Variants in CABLES2 observed in about 807,000 individuals in gnomAD.
The protein encoded by CABLES2 is CDK5 and ABL1 enzyme substrate 2.
In CABLES2, 35 loss-of-function variants were observed where a neutral mutation model predicts 44.8. That is an observed-to-expected ratio of 0.78 (90% CI 0.60 to 1.04). The LOEUF is 1.04. CABLES2 is among the 50% of genes least tolerant of loss of function. The pLI is 0.00. For synonymous variants in CABLES2, 282 were observed against 281.1 expected, an observed-to-expected ratio of 1.00 and a Z score of -0.03; for missense variants, 566 against 615.7, an observed-to-expected ratio of 0.92 and a Z score of 0.85.
Position 62,396,332 on chromosome 20 carries a change from G to A in CABLES2, c.510C>T (p.Tyr170=), listed in dbSNP as rs202000885. The change falls in exon 3 of 10, where the codon TAC becomes TAT. Residue 170 remains tyrosine, a synonymous_variant. Coordinates refer to ENST00000279101, the MANE Select transcript of CABLES2 (RefSeq NM_031215.3). This position sits in a 1 kb window ranked among gnomAD's most constrained non-coding sequence, Gnocchi z 5.7. ...CTTCATACCTGCTGTTCCTGGTGTC[G>A]TACTGCCTCATGTTCTTGATGAAGT... ...KTHFIKNMRQ[Y]DTRNSRIVLI... is the part of the protein sequence containing the mutation. 3.5e-5 allele frequency: 57 copies of A among 1,613,720 alleles called. No homozygotes were observed. The South Asian group carries it at 4.3e-4, about 12-fold the overall frequency.
intron 1 of CABLES2, among the ~76,000 whole-genome samples, chr20:62,398,105 G>GGTA (rs1569017600): frequency 1.4e-5 from 2 of 140,554 alleles, no homozygotes; most frequent in Non-Finnish European, 3.1e-5. Flanking sequence ...TGGTGGTGGT[G>GGTA]ATGGTGGTGG....
In CABLES2 at chr20:62,398,089, CGGT is replaced by C. The variant is rs1376860164; in HGVS notation, c.363-1500_363-1498del. 1.2e-3 allele frequency among the ~76,000 whole-genome samples: 64 copies of C among 54,890 alleles called. 1 individual carries two copies. Among genetic ancestry groups the C allele is most frequent in the Admixed American group, 2.4e-3 (13 of 5,502 alleles). The allele number at this position is 54,890 out of a possible 152,430, so 36.0% of individuals were successfully genotyped here. ...GTGGTGACGGTGGTGGTGGTGGTGA[CGGT>C]GGTGGTGGTGGTGATGGTGGTGGTG... On this transcript the variant is annotated intron_variant, in intron 1 of 9. Coordinates refer to ENST00000279101, the MANE Select transcript of CABLES2 (RefSeq NM_031215.3).
chr20:62,398,498 C>G lies in CABLES2; in HGVS notation c.363-1906G>C, dbSNP rs113871847. On this transcript the variant is annotated intron_variant, in intron 1 of 9. Transcript: ENST00000279101. Reference sequence around the variant, plus strand: ...GCCTTTTTATTAAGTGTCACCCAATCTGGACTCCGGGCCAAGGGCAGGTGT... The same window carrying G: ...GCCTTTTTATTAAGTGTCACCCAATGTGGACTCCGGGCCAAGGGCAGGTGT... 1.8e-3 allele frequency among the ~76,000 whole-genome samples: 268 copies of G among 152,302 alleles called. 1 individual carries two copies. The highest frequency in any genetic ancestry group is 6.2e-3 in the African/African-American group (259 of 41,550).
chr20:62,394,322 G>A, intron 4 of CABLES2, 57 bp from the exon 5 acceptor site: 2 of 1,440,112 alleles, frequency 1.4e-6, no homozygotes. Context: ...GGCTCTGGCA[G>A]CCCAGCCCAC....
In CABLES2 at chr20:62,394,154, T is replaced by C; in HGVS notation, c.714+3A>G. The C allele has an allele frequency of 1.2e-6, 2 of 1,612,586 alleles. No individual in the cohort carries two copies. The highest frequency in any genetic ancestry group is 1.7e-6 in the Non-Finnish European group (2 of 1,179,366). On this transcript the variant is annotated splice_donor_region_variant and intron_variant, in intron 5 of 9. Transcript: ENST00000279101. The stretch of plus-strand genomic sequence containing the variant: ...GGGTGTCCACCAGCGAAGAGGCTCT[T>C]ACCTTCCCGTCTGCTCCTAGCTCCA...
In CABLES2 at chr20:62,398,634, A is replaced by G. The variant is rs961499592; in HGVS notation, c.363-2042T>C. On this transcript the variant is annotated intron_variant, in intron 1 of 9. Coordinates refer to ENST00000279101, the MANE Select transcript of CABLES2 (RefSeq NM_031215.3). Reference sequence around the variant, plus strand: ...CCGGCTTACACACAAGACCTGGTGCACTCAGGCCCCCTCTCTGGTGGAGCC... The same window carrying G: ...CCGGCTTACACACAAGACCTGGTGCGCTCAGGCCCCCTCTCTGGTGGAGCC... Among the ~76,000 whole-genome samples, 9 of 152,150 alleles carry G rather than the reference A, an allele frequency of 5.9e-5. No homozygotes were observed. In the East Asian group the frequency reaches 1.4e-3, roughly 23 times the overall value.
intron 7 of CABLES2, 129 bp from the exon 8 acceptor site, chr20:62,392,624 G>A (rs1001223611): frequency 8.4e-6 from 6 of 713,536 alleles, no homozygotes; most frequent in African/African-American, 3.5e-5. Context: ...GAGAGGCCCC[G>A]AATCTCTGAG....
At position 62,407,138 on chromosome 20, in the gene CABLES2, C is replaced by T; in HGVS notation, c.139G>A (p.Ala47Thr). ...RRRGDSRRRQ[A>T]ALFFLNNISL... ...ATGTTGTTGAGGAAGAAAAGCGCGG[C>T]CTGGCGGCGCCGCGAGTCCCCGCGC... is the stretch of plus-strand genomic sequence containing the variant. Residue 47 changes from alanine to threonine, a missense_variant, in exon 1 of 10, where the codon GCC becomes ACC. This residue lies in a region of CABLES2 where 130 missense variants were observed against 79.4 expected (regional missense o/e 1.64). Coordinates refer to ENST00000279101, the MANE Select transcript of CABLES2 (RefSeq NM_031215.3). The T allele has an allele frequency of 9.8e-7, 1 of 1,023,170 alleles. No individual in the cohort carries two copies. 63.4% of individuals were successfully genotyped at this position (1,023,170 alleles called of 1,614,324 possible). A position where few individuals can be genotyped will look rare whatever the true frequency, so the allele number is the denominator to read the frequency against.
At chr20:62,392,522 G>C in intron 7 of CABLES2, 27 bp from the exon 8 acceptor site, 1 of 1,545,276 alleles carries the variant, frequency 6.5e-7, no homozygotes, top group Non-Finnish European at 8.9e-7. Context: ...GCAGGGTTGG[G>C]CCGGCCCCTC....
intron 1 of CABLES2, among the ~76,000 whole-genome samples, chr20:62,401,194 G>A (rs1454363284): frequency 6.6e-6 from 1 of 152,206 alleles, no homozygotes; most frequent in Non-Finnish European, 1.5e-5. Flanking sequence ...TGCAGGTCAC[G>A]TTTTTTGGTT....
At position 62,396,427 on chromosome 20, in the gene CABLES2, G is replaced by T; in HGVS notation, c.435-20C>A. The T allele has an allele frequency of 6.2e-7, 1 of 1,613,472 alleles. No homozygotes were observed. Among genetic ancestry groups the T allele is most frequent in the African/African-American group, 1.3e-5 (1 of 75,004 alleles). ...TTGGTTCTGCAAGGCAAAGGACACA[G>T]GTCACTCTTTTCCTCCCAGGACCCT... On this transcript the variant is annotated intron_variant, in intron 2 of 9. Transcript: ENST00000279101. The surrounding 1 kb of genome is among the most constrained non-coding windows in gnomAD (Gnocchi z 5.7).
In CABLES2 at chr20:62,393,614, G is replaced by A; in HGVS notation, c.715-9C>T. 1 of 1,570,636 alleles carries A rather than the reference G, an allele frequency of 6.4e-7. No homozygotes were observed. Among genetic ancestry groups the A allele is most frequent in the Non-Finnish European group, 8.7e-7 (1 of 1,154,510 alleles). On this transcript the variant is annotated splice_polypyrimidine_tract_variant and intron_variant, in intron 5 of 9. Transcript: ENST00000279101. The stretch of plus-strand genomic sequence containing the variant: ...TTCGCATAAGACACGACCTGGAAAA[G>A]CAAATGCATCTGGCCTCAGCTCTGC...
rs900361323 is a variant in CABLES2 at position 62,389,516 on chromosome 20, G to C, written c.*1455C>G. ...TTGCTGGTGGAGTTCTGTGATAGCA[G>C]AATTGGCATCTCCTTTCTGCGGAAG... On this transcript the variant is annotated 3_prime_UTR_variant, in exon 10 of 10. Transcript: ENST00000279101. 3.3e-5 allele frequency: 5 copies of C among 152,250 alleles called. No homozygotes were observed. 9.4% of individuals were successfully genotyped at this position (152,250 alleles called of 1,614,324 possible).
intron 8 of CABLES2, 54 bp downstream of exon 8, chr20:62,392,333 GGA>G: frequency 8.0e-7 from 1 of 1,245,310 alleles, no homozygotes. Context: ...AAACTGGAGA[GGA>G]GAGGCTGGCA....
At chr20:62,392,322 G>A in intron 8 of CABLES2, 67 bp downstream of exon 8, 1 of 1,155,456 alleles carries the variant, frequency 8.7e-7, no homozygotes, top group Non-Finnish European at 1.3e-6. Context: ...GAATCTACCA[G>A]AAACTGGAGA....
intron 1 of CABLES2, among the ~76,000 whole-genome samples, chr20:62,398,059 TGGTGGTGGTGAC>T (rs1180729185): frequency 7.6e-5 from 6 of 78,746 alleles, no homozygotes. Flanking sequence ...GTGATGGCGA[TGGTGGTGGTGAC>T]GGTGGTGGTG....
rs1470259757 is a variant in CABLES2, at chr20:62,397,917, GTGGTGA to G, written c.363-1331_363-1326del. On this transcript the variant is annotated intron_variant, in intron 1 of 9. Transcript: ENST00000279101. ...GGCGGTGGTGGTGATGGTGATGGCAGTGGTGATGGTGGTGGTGGTGATGGTGGTGAC... is the reference window on the plus strand; with the variant it reads ...GGCGGTGGTGGTGATGGTGATGGCAGTGGTGGTGGTGGTGATGGTGGTGAC... 8.8e-5 allele frequency among the ~76,000 whole-genome samples: 7 copies of G among 79,190 alleles called. 1 individual carries two copies. The highest frequency in any genetic ancestry group is 1.9e-4 in the Non-Finnish European group (7 of 36,000). 52.0% of individuals were successfully genotyped at this position (79,190 alleles called of 152,430 possible).
At chr20:62,397,952 A>ATGGCGGTGATGGTGATGGTTATGGCGGTG (rs1569017204) in intron 1 of CABLES2, among the ~76,000 whole-genome samples, 1 of 12,946 alleles carries the variant, frequency 7.7e-5, no homozygotes, top group African/African-American at 4.6e-4. Context: ...TGGTGACGGT[A>ATGGCGGTGATGGTGATGGTTATGGCGGTG]GTGGTGGTGA....
In CABLES2 at chr20:62,393,553, T is replaced by G; in HGVS notation, c.767A>C (p.Lys256Thr). Reference protein sequence around the residue: ...LYPTNALVTHKSDSHGLLPTP... With the variant: ...LYPTNALVTHTSDSHGLLPTP... Reference sequence around the variant, plus strand: ...GGGCAGCAGGCCATGGCTGTCACTCTTGTGTGTGACCAGGGCGTTGGTGGG... The same window carrying G: ...GGGCAGCAGGCCATGGCTGTCACTCGTGTGTGTGACCAGGGCGTTGGTGGG... The change falls in exon 6 of 10, where the codon AAG becomes ACG. Residue 256 changes from lysine to threonine, a missense_variant. Physicochemically the swap from Lys to Thr is moderately conservative, Grantham distance 78. Coordinates refer to ENST00000279101, the MANE Select transcript of CABLES2 (RefSeq NM_031215.3). 4.3e-6 allele frequency: 7 copies of G among 1,612,172 alleles called. No homozygotes were observed. The highest frequency in any genetic ancestry group is 5.9e-6 in the Non-Finnish European group (7 of 1,178,976).
Sources: gnomAD v4.1 joint callset for allele counts (sites outside exome capture counted in the v4.1 genomes callset) on GRCh38, gnomAD v4.1.1 for gene constraint, gnomAD v4.1.1 regional missense constraint, Gnocchi (gnomAD v3.1) non-coding constraint, MANE v1.5 for transcripts, NCBI Gene and HGNC (gene_info 2026-07-23, HGNC 2026-07-21) for gene names.